CTRC: variants seen among roughly 807,000 people sequenced by gnomAD.
The protein encoded by CTRC is chymotrypsin-C.
A neutral mutation model predicts 35.7 loss-of-function variants in CTRC; 32 were observed. The ratio of observed to expected loss-of-function variants is 0.90; its 90% CI spans 0.68 to 1.20. The LOEUF (loss-of-function observed/expected upper bound fraction) is 1.20. Ranked by LOEUF, CTRC falls within the 50% of genes most tolerant of loss-of-function variation. The pLI is 0.00. For missense variants in CTRC, 324 were observed against 361.5 expected, an observed-to-expected ratio of 0.90 and a Z score of 0.84; for synonymous variants, 119 against 149.5, an observed-to-expected ratio of 0.80 and a Z score of 1.49.
Position 15,446,644 on chromosome 1 carries a change from T to C in CTRC, c.*55T>C. ...CCTGCAACAGCAATAAACTTCCTTC[T>C]CCTCGGGCCACCTGGATCCTTGATT... On this transcript the variant is annotated 3_prime_UTR_variant, in exon 8 of 8. Coordinates refer to ENST00000375949, the MANE Select transcript of CTRC (RefSeq NM_007272.3). The C allele has an allele frequency of 6.2e-7, 1 of 1,605,132 alleles. No individual in the cohort carries two copies. Among genetic ancestry groups the C allele is most frequent in the Non-Finnish European group, 8.5e-7 (1 of 1,171,796 alleles).
chr1:15,444,754 G>A lies in CTRC; in HGVS notation c.639+3G>A. The A allele has an allele frequency of 1.5e-5, 25 of 1,614,208 alleles. No homozygotes were observed. Among genetic ancestry groups the A allele is most frequent in the Non-Finnish European group, 2.1e-5 (25 of 1,180,032 alleles). ...ATGGCGTCATCTCAGCCTGCAATGT[G>A]AGTGGCTAGGTTCTGCACCTTGTCC... On this transcript the variant is annotated splice_donor_region_variant and intron_variant, in intron 6 of 7. Transcript: ENST00000375949.
Position 15,443,536 on chromosome 1 carries a change from C to T in CTRC, c.474C>T (p.Thr158=), listed in dbSNP as rs759334187. 3.3e-5 allele frequency: 54 copies of T among 1,614,104 alleles called. No individual in the cohort carries two copies. The highest frequency in any genetic ancestry group is 3.7e-5 in the Non-Finnish European group (44 of 1,180,044). The change falls in exon 5 of 8, where the codon ACC becomes ACT. Residue 158 remains threonine, a synonymous_variant. Coordinates refer to ENST00000375949, the MANE Select transcript of CTRC (RefSeq NM_007272.3). ...LLPKDYPCYV[T]GWGRLWTNGP... ...CCAAGGACTACCCCTGCTATGTCAC[C>T]GGCTGGGGCCGCCTCTGGAGTGAGT...
rs1708210505 is a variant in CTRC, at chr1:15,445,839, T to G, written c.792+90T>G. ...TCACTCATTCACTCATTCATGCGTT[T>G]ATTCATTCATTCATTTATTCACTCA... On this transcript the variant is annotated intron_variant, in intron 7 of 7. Coordinates refer to ENST00000375949, the MANE Select transcript of CTRC (RefSeq NM_007272.3). 2.1e-6 allele frequency: 3 copies of G among 1,454,292 alleles called. No homozygotes were observed. In the East Asian group the frequency reaches 6.9e-5, roughly 33 times the overall value. 90.1% of individuals were successfully genotyped at this position (1,454,292 alleles called of 1,614,324 possible). A position where few individuals can be genotyped will look rare whatever the true frequency, so the allele number is the denominator to read the frequency against.
At chr1:15,440,625 G>A (rs371127925) in intron 3 of CTRC, 35 bp downstream of exon 3, 54 of 1,595,684 alleles carry the variant, frequency 3.4e-5, no homozygotes, top group Admixed American at 2.5e-4. Flanking sequence ...CCTGGCCATC[G>A]TCCGGGGGCG....
At chr1:15,445,958 G>GCATT (rs71000402) in intron 7 of CTRC, among the ~76,000 whole-genome samples, 1 of 95,390 alleles carries the variant, frequency 1.0e-5, no homozygotes, top group African/African-American at 6.0e-5. Flanking sequence ...ATTCACTCAT[G>GCATT]CATTCATTCA....
At chr1:15,441,535 C>T (rs1386970750) in intron 3 of CTRC, among the ~76,000 whole-genome samples, 2 of 152,082 alleles carry the variant, frequency 1.3e-5, no homozygotes, top group Non-Finnish European at 2.9e-5. Flanking sequence ...GTATCAGGAC[C>T]TTGGCTTTGA....
intron 5 of CTRC, among the ~76,000 whole-genome samples, chr1:15,443,873 C>T (rs1261829801): frequency 6.6e-6 from 1 of 151,906 alleles, no homozygotes; most frequent in East Asian, 1.9e-4. Context: ...TACCGTATGC[C>T]CAAATAGGTC....
At chr1:15,443,372 G>T in intron 4 of CTRC, 47 bp from the exon 5 acceptor site, 1 of 1,613,606 alleles carries the variant, frequency 6.2e-7, no homozygotes, top group Non-Finnish European at 8.5e-7. Context: ...TGAGCTTGTG[G>T]GGCCAGGGCC....
At position 15,442,420 on chromosome 1, in the gene CTRC, C is replaced by T. The variant is rs202174772; in HGVS notation, c.231-27C>T. 16 of 1,595,526 alleles carry T rather than the reference C, an allele frequency of 1.0e-5. 1 individual carries two copies. In the Middle Eastern group the frequency reaches 6.6e-4, roughly 66 times the overall value. ...TGGCTGGCAGGACCAGGGGGCCACC[C>T]TGACCTGGACCCCTTCCTCTGCCCA... is the stretch of plus-strand genomic sequence containing the variant. On this transcript the variant is annotated intron_variant, in intron 3 of 7. Coordinates refer to ENST00000375949, the MANE Select transcript of CTRC (RefSeq NM_007272.3).
Position 15,440,565 on chromosome 1 carries a change from G to A in CTRC, c.205G>A (p.Val69Ile), listed in dbSNP as rs760911831. 2.9e-5 allele frequency: 46 copies of A among 1,614,010 alleles called. No individual in the cohort carries two copies. In the Middle Eastern group the frequency reaches 4.9e-4, roughly 17 times the overall value. ...CGGTLIASNF[V>I]LTAAHCISNT... ...CGGGACTTTGATTGCTAGCAACTTC[G>A]TCCTCACTGCCGCCCACTGCATCAG... The change falls in exon 3 of 8, where the codon GTC becomes ATC. Residue 69 changes from valine (V) to isoleucine (I), a missense_variant. Val to Ile is a conservative substitution (Grantham distance 29). Transcript: ENST00000375949.
chr1:15,443,409 T>C lies in CTRC; in HGVS notation c.357-10T>C. 2 of 1,614,224 alleles carry C rather than the reference T, an allele frequency of 1.2e-6. No homozygotes were observed. Among genetic ancestry groups the C allele is most frequent in the Non-Finnish European group, 1.7e-6 (2 of 1,180,034 alleles). Reference sequence around the variant, plus strand: ...TCCTGCCCACTCACCCTCTCCACTTTGGATTCCAGCAATGATATTGCCCTC... The same window carrying C: ...TCCTGCCCACTCACCCTCTCCACTTCGGATTCCAGCAATGATATTGCCCTC... On this transcript the variant is annotated splice_polypyrimidine_tract_variant and intron_variant, in intron 4 of 7. Coordinates refer to ENST00000375949, the MANE Select transcript of CTRC (RefSeq NM_007272.3).
rs147803387 is a variant in CTRC, at chr1:15,443,467, C to G, written c.405C>G (p.Asp135Glu). 2 of 1,614,096 alleles carry G rather than the reference C, an allele frequency of 1.2e-6. No homozygotes were observed. The highest frequency in any genetic ancestry group is 1.7e-6 in the Non-Finnish European group (2 of 1,180,052). ...TTGCAGAGCATGTGGAGCTGAGTGA[C>G]ACCATCCAGGTGGCCTGCCTGCCAG... is the stretch of plus-strand genomic sequence containing the variant. ...IKLAEHVELSDTIQVACLPEK... is the reference protein window; with the variant it reads ...IKLAEHVELSETIQVACLPEK... The change falls in exon 5 of 8, where the codon GAC becomes GAG. Residue 135 changes from aspartate to glutamate, a missense_variant. Transcript: ENST00000375949.
chr1:15,443,609 C>A, intron 5 of CTRC, 54 bp downstream of exon 5: 1 of 1,611,250 alleles, frequency 6.2e-7, no homozygotes, highest in African/African-American at 1.3e-5. Context: ...AGCAGGACGT[C>A]ACCCACATTT....
At position 15,448,170 on chromosome 1, in the gene CTRC, C is replaced by CTTTTTTT. The variant is rs59422299; in HGVS notation, c.*1595_*1601dup. 2 of 126,518 alleles carry CTTTTTTT rather than the reference C, an allele frequency of 1.6e-5. No homozygotes were observed. The highest frequency in any genetic ancestry group is 6.3e-5 in the African/African-American group (2 of 31,664). 7.8% of individuals were successfully genotyped at this position (126,518 alleles called of 1,614,324 possible). A position where few individuals can be genotyped will look rare whatever the true frequency, so the allele number is the denominator to read the frequency against. ...AAACTTCATTCCCACCTATCCTCTT[C>CTTTTTTT]TTTTTTTTTTTTTTTTTTTTGAGAC... On this transcript the variant is annotated 3_prime_UTR_variant, in exon 8 of 8. Transcript: ENST00000375949.
In CTRC at chr1:15,443,671, G is replaced by A; in HGVS notation, c.493+116G>A. 5.4e-6 allele frequency: 7 copies of A among 1,292,158 alleles called. No homozygotes were observed. In the South Asian group the frequency reaches 8.4e-5, roughly 16 times the overall value. The allele number at this position is 1,292,158 out of a possible 1,614,324, so 80.0% of individuals were successfully genotyped here. A position where few individuals can be genotyped will look rare whatever the true frequency, so the allele number is the denominator to read the frequency against. ...ACATTTTCATGTCTTTGTAAACTTT[G>A]TAACAATAACAGCTAATATTTACTA... is the stretch of plus-strand genomic sequence containing the variant. On this transcript the variant is annotated intron_variant, in intron 5 of 7. Coordinates refer to ENST00000375949, the MANE Select transcript of CTRC (RefSeq NM_007272.3).
intron 3 of CTRC, among the ~76,000 whole-genome samples, chr1:15,441,830 C>A (rs895473961): frequency 1.3e-5 from 2 of 151,818 alleles, no homozygotes; most frequent in African/African-American, 4.8e-5. Flanking sequence ...CACGCCACCA[C>A]GCATTCCCAG....
intron 1 of CTRC, among the ~76,000 whole-genome samples, chr1:15,439,979 C>T (rs1385602446): frequency 6.6e-6 from 1 of 152,118 alleles, no homozygotes; most frequent in Non-Finnish European, 1.5e-5. Context: ...TGATCTCAAG[C>T]GATCCACCCG....
chr1:15,440,662 G>A (rs552041210), intron 3 of CTRC, 72 bp downstream of exon 3: 137 of 1,400,912 alleles, frequency 9.8e-5, no homozygotes, highest in Admixed American at 2.1e-4. Flanking sequence ...CTTTTTCTGA[G>A]CAGCTTCTCC....
intron 4 of CTRC, among the ~76,000 whole-genome samples, 199 bp from the exon 5 acceptor site, chr1:15,443,220 A>G (rs1708162642): frequency 6.6e-6 from 1 of 152,164 alleles, no homozygotes; most frequent in African/African-American, 2.4e-5. Context: ...CTATGTCAAC[A>G]GTGCGGGTGA....
Sources: allele counts gnomAD v4.1 joint callset (sites outside exome capture counted in the v4.1 genomes callset), GRCh38; gene constraint gnomAD v4.1.1; transcripts MANE v1.5; gene names NCBI Gene and HGNC (gene_info 2026-07-23, HGNC 2026-07-21).